The following FGFR1 variants were observed in gnomAD, a reference collection of about 807,000 sequenced individuals.
FGFR1 encodes the protein fibroblast growth factor receptor 1.
In FGFR1, 18 loss-of-function variants were observed where a neutral mutation model predicts 93.7. The ratio of observed to expected loss-of-function variants is 0.19; its 90% CI spans 0.13 to 0.28. The LOEUF (loss-of-function observed/expected upper bound fraction) is 0.28. Ranked by LOEUF, FGFR1 falls within the 10% of genes least tolerant of loss-of-function variation. FGFR1 has a pLI of 1.00. For synonymous variants in FGFR1, 448 were observed against 429.3 expected (o/e 1.04, Z -0.54); for missense variants, 731 against 1,080.4 (o/e 0.68, Z 4.53).
intron 14 of FGFR1, 31 bp downstream of exon 14, chr8:38,414,748 A>G: frequency 1.2e-6 from 2 of 1,613,934 alleles, no homozygotes; most frequent in Non-Finnish European, 1.7e-6. Flanking sequence ...AGATGAAACC[A>G]CCAGCACAGG....
At position 38,454,973 on chromosome 8, in the gene FGFR1, CTTTTTTTTTTTT is replaced by C. The variant is rs11434747; in HGVS notation, c.91+2371_91+2382del. Among the ~76,000 whole-genome samples the C allele has an allele frequency of 3.6e-5, 4 of 111,170 alleles. 1 individual carries two copies. Among genetic ancestry groups the C allele is most frequent in the African/African-American group, 6.9e-5 (2 of 28,874 alleles). 72.9% of individuals were successfully genotyped at this position (111,170 alleles called of 152,430 possible). ...ATTTAAGTCTAGTTTTCTTTTCTTG[CTTTTTTTTTTTT>C]TTTTTTTTTAGACAGAGTTTCACTC... is the stretch of plus-strand genomic sequence containing the variant. On this transcript the variant is annotated intron_variant, in intron 2 of 17. Coordinates refer to ENST00000447712, the MANE Select transcript of FGFR1 (RefSeq NM_023110.3).
At chr8:38,467,878 G>A (rs1835897523) in intron 1 of FGFR1, 103 bp downstream of exon 1, 1 of 227,238 alleles carries the variant, frequency 4.4e-6, no homozygotes, top group African/African-American at 2.2e-5. Context: ...CGCCGGCCCC[G>A]GCTGGGCTGC....
rs774961202 is a variant in FGFR1, at chr8:38,416,014, C to T, written c.1710G>A (p.Arg570=). 1.2e-6 allele frequency: 2 copies of T among 1,613,794 alleles called. No individual in the cohort carries two copies. The highest frequency in any genetic ancestry group is 8.5e-7 in the Non-Finnish European group (1 of 1,179,982). Residue 570 remains arginine (R), a synonymous_variant, in exon 13 of 18, where the codon CGG becomes CGA. Coordinates refer to ENST00000447712, the MANE Select transcript of FGFR1 (RefSeq NM_023110.3). ...IVEYASKGNL[R]EYLQARRPPG... is the part of the protein sequence containing the mutation. The stretch of plus-strand genomic sequence containing the variant: ...GGGGCCTCCGGGCCTGCAGGTACTC[C>T]CGCAGGTTGCCCTTGGAGGCATACT...
At chr8:38,448,278 A>ATTTTT (rs200939148) in intron 2 of FGFR1, among the ~76,000 whole-genome samples, 2 of 136,356 alleles carry the variant, frequency 1.5e-5, no homozygotes, top group Non-Finnish European at 1.6e-5. Context: ...CAAAACACCA[A>ATTTTT]TTTTTTTTTT....
chr8:38,467,123 C>T (rs1835738353), intron 1 of FGFR1, among the ~76,000 whole-genome samples: 1 of 152,092 alleles, frequency 6.6e-6, no homozygotes, highest in Non-Finnish European at 1.5e-5. Flanking sequence ...CAAAAACCCT[C>T]ATCCCTTCCC....
intron 2 of FGFR1, among the ~76,000 whole-genome samples, chr8:38,453,585 T>C (rs1472179896): frequency 6.6e-6 from 1 of 152,158 alleles, no homozygotes; most frequent in East Asian, 1.9e-4. Context: ...CTTATTACAA[T>C]AGCCCAAACT....
intron 2 of FGFR1, chr8:38,430,193 G>A (rs931037731): frequency 4.6e-5 from 26 of 561,672 alleles, no homozygotes; most frequent in African/African-American, 3.9e-4. Context: ...GTCAAAGGAA[G>A]AAAGAGGCAA....
chr8:38,467,368 A>G (rs1028268126), intron 1 of FGFR1, among the ~76,000 whole-genome samples: 1 of 152,032 alleles, frequency 6.6e-6, no homozygotes, highest in African/African-American at 2.4e-5. Context: ...AAGCTAACCT[A>G]GCCCTCCACG....
intron 1 of FGFR1, among the ~76,000 whole-genome samples, chr8:38,460,592 G>A (rs2151416783): frequency 6.6e-6 from 1 of 152,258 alleles, no homozygotes; most frequent in East Asian, 1.9e-4. Context: ...TCATCTGCCA[G>A]CTTCCCTCTT....
At chr8:38,432,740 C>T (rs912018368) in intron 2 of FGFR1, among the ~76,000 whole-genome samples, 2 of 152,114 alleles carry the variant, frequency 1.3e-5, no homozygotes, top group Admixed American at 6.6e-5. Flanking sequence ...AGCTCAGACT[C>T]CTGCTTCCAA....
In FGFR1 at chr8:38,411,582, AT is replaced by A; in HGVS notation, c.*2045del. 4.4e-6 allele frequency: 1 copy of A among 228,402 alleles called. No homozygotes were observed. Among genetic ancestry groups the A allele is most frequent in the Non-Finnish European group, 8.7e-6 (1 of 115,054 alleles). 14.1% of individuals were successfully genotyped at this position (228,402 alleles called of 1,614,324 possible). On this transcript the variant is annotated 3_prime_UTR_variant, in exon 18 of 18. Coordinates refer to ENST00000447712, the MANE Select transcript of FGFR1 (RefSeq NM_023110.3). ...CTCAGAAATTTAAAGCAGCAATCCCATTTTCCCTACAGAAATGAAAACATAT... is the reference window on the plus strand; with the variant it reads ...CTCAGAAATTTAAAGCAGCAATCCCATTTCCCTACAGAAATGAAAACATAT...
chr8:38,421,714 T>C (rs2150748115), intron 8 of FGFR1, 83 bp downstream of exon 8: 1 of 1,446,582 alleles, frequency 6.9e-7, no homozygotes, highest in Non-Finnish European at 9.7e-7. Context: ...CCTGCCTCTG[T>C]GTCTCCCCAA....
intron 11 of FGFR1, 29 bp from the exon 12 acceptor site, chr8:38,417,445 C>G (rs775637054): frequency 6.3e-7 from 1 of 1,592,028 alleles, no homozygotes; most frequent in South Asian, 1.1e-5. Flanking sequence ...GACTCATTTA[C>G]TTGGGAAGGG....
intron 2 of FGFR1, among the ~76,000 whole-genome samples, chr8:38,431,496 T>C (rs528989000): frequency 6.6e-6 from 1 of 152,336 alleles, no homozygotes; most frequent in Non-Finnish European, 1.5e-5. Context: ...CTTCACTGCC[T>C]TCCTTTCTAC....
At chr8:38,423,316 T>C in intron 7 of FGFR1, 1 of 460,056 alleles carries the variant, frequency 2.2e-6, no homozygotes, top group African/African-American at 2.1e-5. Flanking sequence ...CTTTTAGTTT[T>C]TTTTTTTTTT....
chr8:38,418,595 C>G (rs1817609751), intron 9 of FGFR1: 2 of 590,450 alleles, frequency 3.4e-6, no homozygotes, highest in South Asian at 4.1e-5. Flanking sequence ...CTTCACTCAC[C>G]TTTAAAATAA....
intron 8 of FGFR1, among the ~76,000 whole-genome samples, chr8:38,420,692 C>T (rs1032575048): frequency 1.3e-5 from 2 of 152,102 alleles, no homozygotes; most frequent in Non-Finnish European, 2.9e-5. Context: ...CGGCCCTCCT[C>T]CTTCCACAGG....
intron 2 of FGFR1, chr8:38,440,429 G>A (rs1827007412): frequency 7.0e-7 from 1 of 1,435,548 alleles, no homozygotes; most frequent in Non-Finnish European, 9.4e-7. Context: ...AACTCTCGGA[G>A]TCCCCAAATA....
intron 7 of FGFR1, chr8:38,422,798 A>AT (rs1248267802): frequency 1.8e-6 from 1 of 540,890 alleles, no homozygotes; most frequent in African/African-American, 1.9e-5. Flanking sequence ...CCTCACATGG[A>AT]TCCACACAAA....
Sources: gnomAD v4.1 joint callset for allele counts (sites outside exome capture counted in the v4.1 genomes callset) on GRCh38, gnomAD v4.1.1 for gene constraint, MANE v1.5 for transcripts, NCBI Gene and HGNC (gene_info 2026-07-23, HGNC 2026-07-21) for gene names.